NRXN1: variants seen among roughly 807,000 people sequenced by gnomAD.
NRXN1 encodes neurexin-1.
In NRXN1, 39 loss-of-function variants were observed where a neutral mutation model predicts 150.9. The observed-to-expected ratio is 0.26, with a 90% CI of 0.20 to 0.34. The LOEUF (loss-of-function observed/expected upper bound fraction) is 0.34. NRXN1 is among the 10% of genes least tolerant of loss of function. NRXN1 has a pLI of 1.00. For synonymous variants in NRXN1, 924 were observed against 757.0 expected (o/e 1.22, Z -3.62); for missense variants, 1,815 against 1,949.9 (o/e 0.93, Z 1.30).
chr2:50,456,650 T>C (rs149534639), intron 17 of NRXN1, among the ~76,000 whole-genome samples: 1 of 152,094 alleles, frequency 6.6e-6, no homozygotes, highest in African/African-American at 2.4e-5. Flanking sequence ...CACAATGTTA[T>C]TTTTATCTTG....
intron 5 of NRXN1, among the ~76,000 whole-genome samples, chr2:50,643,492 C>G (rs1302170987): frequency 6.6e-6 from 1 of 151,856 alleles, no homozygotes; most frequent in South Asian, 2.1e-4. Context: ...ATTAAGAAAA[C>G]ATTCCTGACT....
chr2:50,435,445 A>G (rs1185762677), intron 17 of NRXN1, among the ~76,000 whole-genome samples: 4 of 152,220 alleles, frequency 2.6e-5, no homozygotes, highest in Non-Finnish European at 5.9e-5. Context: ...TCTTTCTAGA[A>G]TCATAAGATT....
At chr2:50,659,474 T>C (rs973295049) in intron 5 of NRXN1, among the ~76,000 whole-genome samples, 3 of 151,894 alleles carry the variant, frequency 2.0e-5, no homozygotes, top group Non-Finnish European at 2.9e-5. Flanking sequence ...CGCAACACAT[T>C]GGTATACTGT....
chr2:51,026,504 T>C (rs759189169), intron 2 of NRXN1: 2 of 1,440,614 alleles, frequency 1.4e-6, no homozygotes, highest in Non-Finnish European at 1.9e-6. Flanking sequence ...GGTATGACTT[T>C]TGTAGTTTAA....
intron 5 of NRXN1, among the ~76,000 whole-genome samples, chr2:50,700,438 G>C (rs1553990591): frequency 6.6e-6 from 1 of 151,726 alleles, no homozygotes; most frequent in Non-Finnish European, 1.5e-5. Flanking sequence ...AAACACAGGA[G>C]AAAAAAAATG....
chr2:50,205,940 C>A (rs985621195), intron 18 of NRXN1, among the ~76,000 whole-genome samples: 31 of 151,958 alleles, frequency 2.0e-4, no homozygotes, highest in Middle Eastern at 3.4e-3. Context: ...TTGTCTAGGG[C>A]TTGGGAGAAG....
chr2:50,377,437 T>A (rs2080596205), intron 17 of NRXN1, among the ~76,000 whole-genome samples: 1 of 152,206 alleles, frequency 6.6e-6, no homozygotes, highest in Non-Finnish European at 1.5e-5. Flanking sequence ...TCATCATTCC[T>A]TTTTATGGCT....
intron 2 of NRXN1, among the ~76,000 whole-genome samples, chr2:51,004,906 T>G (rs1700522001): frequency 6.6e-6 from 1 of 151,902 alleles, no homozygotes; most frequent in South Asian, 2.1e-4. Flanking sequence ...CTAAGAAATA[T>G]TAATTTTAGA....
At position 50,528,501 on chromosome 2, in the gene NRXN1, T is replaced by C. The variant is rs571324999; in HGVS notation, c.2374+124A>G. 27 of 650,544 alleles carry C rather than the reference T, an allele frequency of 4.2e-5. No individual in the cohort carries two copies. In the East Asian group the frequency reaches 7.2e-4, roughly 17 times the overall value. The allele number at this position is 650,544 out of a possible 1,614,324, so 40.3% of individuals were successfully genotyped here. On this transcript the variant is annotated intron_variant, in intron 12 of 22. Transcript: ENST00000401669. Reference sequence around the variant, plus strand: ...TTACAACCCAGATGATGGACTGGTATACTTTAAAAGTGAGCTCATGAGTTT... The same window carrying C: ...TTACAACCCAGATGATGGACTGGTACACTTTAAAAGTGAGCTCATGAGTTT...
chr2:50,491,135 G>C (rs1162431358), intron 15 of NRXN1, among the ~76,000 whole-genome samples: 1 of 152,174 alleles, frequency 6.6e-6, no homozygotes. Context: ...TGGGCTGTCA[G>C]ATGTCCTGTG....
chr2:50,188,611 T>A (rs537673482), intron 18 of NRXN1, among the ~76,000 whole-genome samples: 1 of 152,164 alleles, frequency 6.6e-6, no homozygotes, highest in East Asian at 1.9e-4. Flanking sequence ...AGAAAATTTT[T>A]GCAAGCTATC....
chr2:50,351,706 A>G (rs1309436330), intron 17 of NRXN1, among the ~76,000 whole-genome samples: 1 of 152,138 alleles, frequency 6.6e-6, no homozygotes, highest in Non-Finnish European at 1.5e-5. Flanking sequence ...TAAATGAATT[A>G]ATTCATATAA....
At chr2:51,030,264 A>G (rs1043102944) in intron 1 of NRXN1, among the ~76,000 whole-genome samples, 9 of 152,066 alleles carry the variant, frequency 5.9e-5, no homozygotes, top group African/African-American at 1.9e-4. Flanking sequence ...TGCAATATAT[A>G]TACACCATAC....
intron 19 of NRXN1, among the ~76,000 whole-genome samples, chr2:50,077,498 G>A (rs1218886685): frequency 2.0e-5 from 3 of 151,926 alleles, no homozygotes; most frequent in Non-Finnish European, 4.4e-5. Context: ...CCTTTTGCTT[G>A]TTTCGCCTCT....
rs1267049730 is a variant in NRXN1, at chr2:50,329,667, A to T, written c.3365-92697T>A. On this transcript the variant is annotated intron_variant, in intron 17 of 22. Transcript: ENST00000401669. ...TATATATATATATATATATATATATATATATATTTTTTTTTTTCCCCCCCG... is the reference window on the plus strand; with the variant it reads ...TATATATATATATATATATATATATTTATATATTTTTTTTTTTCCCCCCCG... 3.0e-3 allele frequency among the ~76,000 whole-genome samples: 79 copies of T among 26,242 alleles called. 4 individuals are homozygous for T. The highest frequency in any genetic ancestry group is 0.016 in the African/African-American group (74 of 4,678). 17.2% of individuals were successfully genotyped at this position (26,242 alleles called of 152,430 possible). A position where few individuals can be genotyped will look rare whatever the true frequency, so the allele number is the denominator to read the frequency against.
Position 49,920,169 on chromosome 2 carries a change from A to G in NRXN1, c.*1775T>C, listed in dbSNP as rs1667945055. The G allele has an allele frequency of 6.6e-6, 1 of 152,192 alleles. No homozygotes were observed. Among genetic ancestry groups the G allele is most frequent in the Non-Finnish European group, 1.5e-5 (1 of 68,016 alleles). 9.4% of individuals were successfully genotyped at this position (152,192 alleles called of 1,614,324 possible). ...ATACTTTTCCACTACTTAATGTGTT[A>G]AACTAAAACTATATTTAATGATATA... On this transcript the variant is annotated 3_prime_UTR_variant, in exon 23 of 23. Transcript: ENST00000401669.
intron 21 of NRXN1, among the ~76,000 whole-genome samples, chr2:49,957,090 A>G (rs771509497): frequency 2.0e-5 from 3 of 152,108 alleles, no homozygotes; most frequent in Non-Finnish European, 2.9e-5. Flanking sequence ...CAGGCCTTCT[A>G]TGAGCAGCAA....
chr2:50,986,310 T>C (rs889305905), intron 2 of NRXN1, among the ~76,000 whole-genome samples: 11 of 151,742 alleles, frequency 7.2e-5, no homozygotes, highest in Non-Finnish European at 1.2e-4. Flanking sequence ...GGAATTTCAT[T>C]TTTATAAATA....
chr2:50,703,662 T>C (rs1300674187), intron 5 of NRXN1, among the ~76,000 whole-genome samples: 1 of 152,142 alleles, frequency 6.6e-6, no homozygotes, highest in Admixed American at 6.5e-5. Context: ...TACAGTAATT[T>C]AATAGCAACT....
Sources: gnomAD v4.1 joint callset for allele counts (sites outside exome capture counted in the v4.1 genomes callset) on GRCh38, gnomAD v4.1.1 for gene constraint, MANE v1.5 for transcripts, NCBI Gene and HGNC (gene_info 2026-07-23, HGNC 2026-07-21) for gene names.